LYZL2: variants seen among roughly 807,000 people sequenced by gnomAD.
LYZL2 encodes the protein lysozyme-like protein 2.
Under a neutral mutation model 17.1 loss-of-function variants are expected in LYZL2, and 13 were observed. The observed-to-expected ratio is 0.76, with a 90% confidence interval of 0.49 to 1.21. The LOEUF (loss-of-function observed/expected upper bound fraction) is 1.21. Ranked by LOEUF, LYZL2 falls within the 50% of genes most tolerant of loss-of-function variation. The pLI, the probability that LYZL2 is intolerant of heterozygous loss-of-function variation, is 0.00. For missense variants in LYZL2, 166 were observed against 189.2 expected, an observed-to-expected ratio of 0.88 and a Z score of 0.72; for synonymous variants, 63 against 74.4, an observed-to-expected ratio of 0.85 and a Z score of 0.79.
chr10:30,627,781 T>C (rs964258930), intron 1 of LYZL2, among the ~76,000 whole-genome samples: 2 of 152,138 alleles, frequency 1.3e-5, no homozygotes, highest in African/African-American at 4.8e-5. Flanking sequence ...CTACATTTGT[T>C]CAAGGATCAA....
At position 30,626,119 on chromosome 10, in the gene LYZL2, T is replaced by C. The variant is rs143775752; in HGVS notation, c.284A>G (p.His95Arg). Residue 95 changes from histidine (H) to arginine (R), a missense_variant, in exon 3 of 5, where the codon CAC becomes CGC. Coordinates refer to ENST00000647634, the MANE Select transcript of LYZL2 (RefSeq NM_183058.3). Reference protein sequence around the residue: ...RGKLKENNHCHVACSALVTDD... With the variant: ...RGKLKENNHCRVACSALVTDD... ...CAGAGCCTCACCTGAGCAGGCGACG[T>C]GGCAGTGGTTGTTCTCCTTCAGCTT... 1.3e-3 allele frequency: 2,026 copies of C among 1,614,154 alleles called. 16 individuals carry two copies. The highest frequency in any genetic ancestry group is 9.5e-3 in the South Asian group (862 of 91,082).
chr10:30,616,912 T>C (rs1162493156), intron 3 of LYZL2, among the ~76,000 whole-genome samples: 1 of 36,616 alleles, frequency 2.7e-5, no homozygotes, highest in East Asian at 3.0e-4. Flanking sequence ...AATATACTTT[T>C]AATTTTTCTA....
intron 1 of LYZL2, among the ~76,000 whole-genome samples, chr10:30,628,989 A>T (rs1410490361): frequency 6.6e-6 from 1 of 152,232 alleles, no homozygotes; most frequent in Non-Finnish European, 1.5e-5. Flanking sequence ...GAGGCTGTAT[A>T]GACCACAAAG....
chr10:30,611,928 G>A lies in LYZL2; in HGVS notation c.*27C>T, dbSNP rs1838451140. 6.2e-7 allele frequency: 1 copy of A among 1,614,204 alleles called. No individual in the cohort carries two copies. The highest frequency in any genetic ancestry group is 2.2e-5 in the East Asian group (1 of 44,890). On this transcript the variant is annotated 3_prime_UTR_variant, in exon 5 of 5. Transcript: ENST00000647634. ...TCACTGCAAACCCTAGGGCGTTGCTGCAAAGCATCCTGGGTCCAGTTCCAG... is the reference window on the plus strand; with the variant it reads ...TCACTGCAAACCCTAGGGCGTTGCTACAAAGCATCCTGGGTCCAGTTCCAG...
At chr10:30,628,155 G>A (rs1264723336) in intron 1 of LYZL2, among the ~76,000 whole-genome samples, 16 of 150,540 alleles carry the variant, frequency 1.1e-4, no homozygotes, top group Admixed American at 4.6e-4. Flanking sequence ...GCGAGACTCC[G>A]CCTCAAAAAA....
rs531756311 is a variant in LYZL2, at chr10:30,627,709, C to T, written c.-25-769G>A. Among the ~76,000 whole-genome samples, 11 of 152,236 alleles carry T rather than the reference C, an allele frequency of 7.2e-5. No homozygotes were observed. In the South Asian group the frequency reaches 8.3e-4, roughly 11 times the overall value. On this transcript the variant is annotated intron_variant, in intron 1 of 4. Transcript: ENST00000647634. Reference sequence around the variant, plus strand: ...CAGCAGTAGGCTATTAGTCGTTAAGCTTCTGGGGAGTCAAAAGTTACATGC... The same window carrying T: ...CAGCAGTAGGCTATTAGTCGTTAAGTTTCTGGGGAGTCAAAAGTTACATGC...
intron 1 of LYZL2, among the ~76,000 whole-genome samples, chr10:30,628,630 T>C (rs1204868865): frequency 3.3e-5 from 5 of 152,226 alleles, no homozygotes; most frequent in Admixed American, 2.6e-4. Flanking sequence ...TTACATATGT[T>C]CATCCCGTGT....
chr10:30,626,473 G>A (rs1453173764), intron 2 of LYZL2, among the ~76,000 whole-genome samples: 1 of 152,242 alleles, frequency 6.6e-6, no homozygotes, highest in Non-Finnish European at 1.5e-5. Flanking sequence ...CCAGTCAGGG[G>A]CTGAGCCTAA....
downstream of LYZL2, among the ~76,000 whole-genome samples, chr10:30,608,346 A>G (rs2132928232): frequency 6.6e-6 from 1 of 152,322 alleles, no homozygotes; most frequent in African/African-American, 2.4e-5. Context: ...TTTTCCTTCC[A>G]TTTTGGAGAC....
intron 3 of LYZL2, among the ~76,000 whole-genome samples, chr10:30,614,435 C>G (rs1200206819): frequency 6.6e-6 from 1 of 152,222 alleles, no homozygotes; most frequent in Non-Finnish European, 1.5e-5. Flanking sequence ...GGGTGTGGGT[C>G]ACCCCGGAAG....
rs775319500 is a variant in LYZL2 at position 30,612,810 on chromosome 10, A to G, written c.377+12T>C. The G allele has an allele frequency of 1.9e-6, 3 of 1,605,034 alleles. No individual in the cohort carries two copies. Among genetic ancestry groups the G allele is most frequent in the Non-Finnish European group, 2.6e-6 (3 of 1,171,898 alleles). On this transcript the variant is annotated intron_variant, in intron 4 of 4. Coordinates refer to ENST00000647634, the MANE Select transcript of LYZL2 (RefSeq NM_183058.3). ...CCATGACAGCCCAAGTCTTCCAAGG[A>G]AAGACTCTTACCAATAGTTCATTCC...
downstream of LYZL2, among the ~76,000 whole-genome samples, chr10:30,608,552 G>A (rs552946680): frequency 3.3e-5 from 5 of 152,292 alleles, no homozygotes; most frequent in African/African-American, 9.6e-5. Flanking sequence ...ACTAGGACAC[G>A]TTCTGTCATT....
intron 1 of LYZL2, among the ~76,000 whole-genome samples, chr10:30,628,542 C>T (rs1197787288): frequency 1.3e-5 from 2 of 152,216 alleles, no homozygotes; most frequent in Non-Finnish European, 2.9e-5. Context: ...ATAATGTCTT[C>T]CCCAAACACA....
In LYZL2 at chr10:30,626,108, A is replaced by C. The variant is rs753205676; in HGVS notation, c.295T>G (p.Ser99Ala). The change falls in exon 3 of 5, where the codon TCA (serine) becomes GCA (alanine). Residue 99 changes from serine to alanine, a missense_variant. By Grantham distance (99) the Ser-to-Ala change is moderately conservative. This residue lies in a region of LYZL2 where 134 missense variants were observed against 129.4 expected (regional missense o/e 1.04). Coordinates refer to ENST00000647634, the MANE Select transcript of LYZL2 (RefSeq NM_183058.3). ...KENNHCHVAC[S>A]ALVTDDLTDA... ...CACTGGAAAGTCAGAGCCTCACCTG[A>C]GCAGGCGACGTGGCAGTGGTTGTTC... is the stretch of plus-strand genomic sequence containing the variant. The C allele has an allele frequency of 3.7e-6, 6 of 1,613,638 alleles. No homozygotes were observed. The South Asian group carries it at 6.6e-5, about 18-fold the overall frequency.
At chr10:30,608,678 G>T (rs1162381484), downstream of LYZL2, among the ~76,000 whole-genome samples, 1 of 152,130 alleles carries the variant, frequency 6.6e-6, no homozygotes, top group Non-Finnish European at 1.5e-5. Flanking sequence ...TGGAATGAAG[G>T]TTACATTCCC....
intron 3 of LYZL2, among the ~76,000 whole-genome samples, chr10:30,620,402 C>G (rs1838601700): frequency 6.6e-6 from 1 of 152,334 alleles, no homozygotes; most frequent in Middle Eastern, 3.4e-3. Flanking sequence ...TCACGAGCAG[C>G]CTGCCTTGAT....
At chr10:30,625,755 C>G (rs1246002624) in intron 3 of LYZL2, among the ~76,000 whole-genome samples, 1 of 152,168 alleles carries the variant, frequency 6.6e-6, no homozygotes. Flanking sequence ...CAAACTGCAT[C>G]CTTTGAGTGA....
intron 3 of LYZL2, among the ~76,000 whole-genome samples, chr10:30,617,725 A>G (rs909426790): frequency 6.6e-6 from 1 of 151,470 alleles, no homozygotes; most frequent in Non-Finnish European, 1.5e-5. Context: ...AAAAGAAAAG[A>G]AAAGAAAAAA....
At chr10:30,622,637 A>G (rs900318913) in intron 3 of LYZL2, among the ~76,000 whole-genome samples, 1 of 152,218 alleles carries the variant, frequency 6.6e-6, no homozygotes, top group Non-Finnish European at 1.5e-5. Context: ...TCATGGCATA[A>G]CCCACAGGCC....
Sources: allele counts gnomAD v4.1 joint callset (sites outside exome capture counted in the v4.1 genomes callset), GRCh38; gene constraint gnomAD v4.1.1; regional missense constraint gnomAD v4.1.1; transcripts MANE v1.5; gene names NCBI Gene and HGNC (gene_info 2026-07-23, HGNC 2026-07-21).